The following PDE1A variants were observed in gnomAD, a reference collection of about 807,000 sequenced individuals.
The protein encoded by PDE1A is phosphodiesterase 1A.
In PDE1A, 35 loss-of-function variants were observed where a neutral mutation model predicts 61.7. The ratio of observed to expected loss-of-function variants is 0.57; its 90% CI spans 0.43 to 0.75. The LOEUF (loss-of-function observed/expected upper bound fraction) is 0.75, where lower values mean the gene tolerates loss of function less well. Ranked by LOEUF, PDE1A falls within the 30% of genes least tolerant of loss-of-function variation. PDE1A has a pLI of 0.00. For missense variants in PDE1A, 597 were observed against 630.6 expected, an observed-to-expected ratio of 0.95 and a Z score of 0.57; for synonymous variants, 232 against 213.2, an observed-to-expected ratio of 1.09 and a Z score of -0.77.
At chr2:182,509,299 C>T (rs1162688453) in intron 2 of PDE1A, among the ~76,000 whole-genome samples, 1 of 152,160 alleles carries the variant, frequency 6.6e-6, no homozygotes, top group African/African-American at 2.4e-5. Context: ...AATGGTAGCA[C>T]ATGTCCTAGA....
At chr2:182,441,387 A>G (rs892198180) in intron 2 of PDE1A, among the ~76,000 whole-genome samples, 29 of 152,196 alleles carry the variant, frequency 1.9e-4, no homozygotes, top group African/African-American at 6.5e-4. Flanking sequence ...ATTTGAGCAA[A>G]AGAATATTGA....
chr2:182,503,286 C>A (rs1689205209), intron 2 of PDE1A, among the ~76,000 whole-genome samples: 1 of 152,122 alleles, frequency 6.6e-6, no homozygotes, highest in South Asian at 2.1e-4. Flanking sequence ...TTAATTTTGT[C>A]CTTCCTTGCC....
the PDE1A span, among the ~76,000 whole-genome samples, chr2:182,542,775 G>C: frequency 6.6e-6 from 1 of 152,106 alleles, no homozygotes; most frequent in African/African-American, 2.4e-5. Flanking sequence ...CAATTGTCAA[G>C]ATAATAACTT....
chr2:182,225,410 A>G (rs1178427943), intron 6 of PDE1A, among the ~76,000 whole-genome samples: 1 of 151,958 alleles, frequency 6.6e-6, no homozygotes, highest in Non-Finnish European at 1.5e-5. Context: ...GTTGAATCTC[A>G]TAGGTACCAA....
At chr2:182,708,452 T>C in the PDE1A span, among the ~76,000 whole-genome samples, 2 of 152,232 alleles carry the variant, frequency 1.3e-5, no homozygotes, top group Non-Finnish European at 2.9e-5. Context: ...GGGCTCCAGA[T>C]CTACACTGCC....
At chr2:182,462,151 G>T (rs1318127426) in intron 2 of PDE1A, among the ~76,000 whole-genome samples, 3 of 151,532 alleles carry the variant, frequency 2.0e-5, no homozygotes, top group African/African-American at 7.3e-5. Context: ...ACCGGGGCCT[G>T]TTGTGGGGTG....
intron 1 of PDE1A, among the ~76,000 whole-genome samples, chr2:182,387,426 AAG>A (rs1376504720): frequency 1.3e-5 from 2 of 151,994 alleles, no homozygotes; most frequent in Non-Finnish European, 2.9e-5. Context: ...AAAAAAAAAA[AAG>A]AAGAAAGAAA....
At chr2:182,655,140 TC>T in the PDE1A span, among the ~76,000 whole-genome samples, 3 of 152,188 alleles carry the variant, frequency 2.0e-5, no homozygotes, top group Non-Finnish European at 2.9e-5. Flanking sequence ...CAAGGTGCAT[TC>T]CTTATTGCTT....
intron 1 of PDE1A, among the ~76,000 whole-genome samples, chr2:182,349,851 G>A (rs973806007): frequency 6.6e-6 from 1 of 152,154 alleles, no homozygotes; most frequent in Admixed American, 6.5e-5. Flanking sequence ...GAGGGTAACA[G>A]TAGGCGAGTA....
chr2:182,260,022 T>A (rs1290502578), intron 2 of PDE1A, among the ~76,000 whole-genome samples: 6 of 152,224 alleles, frequency 3.9e-5, no homozygotes, highest in Non-Finnish European at 8.8e-5. Context: ...TCATATTCAT[T>A]AGGGTATTGT....
At chr2:182,376,442 T>C (rs1030796001) in intron 1 of PDE1A, among the ~76,000 whole-genome samples, 1 of 152,200 alleles carries the variant, frequency 6.6e-6, no homozygotes, top group African/African-American at 2.4e-5. Flanking sequence ...TCACCTTTGC[T>C]CCAGTTCTCA....
chr2:182,276,845 C>A (rs1693450923), intron 1 of PDE1A, among the ~76,000 whole-genome samples: 1 of 151,952 alleles, frequency 6.6e-6, no homozygotes, highest in African/African-American at 2.4e-5. Flanking sequence ...TAAACAGCTG[C>A]TCTAGGAGTG....
At chr2:182,313,152 G>A (rs1277386555) in intron 1 of PDE1A, among the ~76,000 whole-genome samples, 1 of 152,148 alleles carries the variant, frequency 6.6e-6, no homozygotes, top group Non-Finnish European at 1.5e-5. Context: ...AGTGGCTCAC[G>A]CCTGTAATCC....
intron 13 of PDE1A, among the ~76,000 whole-genome samples, chr2:182,176,382 C>T (rs2125348272): frequency 6.7e-6 from 1 of 149,292 alleles, no homozygotes; most frequent in African/African-American, 2.6e-5. Flanking sequence ...TTGTAGTTCC[C>T]TTTGAAGAGG....
In PDE1A at chr2:182,463,189, A is replaced by C. The variant is rs376854037; in HGVS notation, c.101+59087T>G. Among the ~76,000 whole-genome samples the C allele has an allele frequency of 2.4e-4, 37 of 152,208 alleles. No homozygotes were observed. The East Asian group carries it at 6.0e-3, about 25-fold the overall frequency. ...AGGAGGCGGAGGTTGCAGTGAGCTG[A>C]GAGTGCGCCACTGCACTCCAGCCTG... On this transcript the variant is annotated intron_variant, in intron 2 of 14. Coordinates refer to the PDE1A transcript ENST00000410103.
At chr2:182,219,239 A>C (rs536321066) in intron 7 of PDE1A, among the ~76,000 whole-genome samples, 1 of 152,146 alleles carries the variant, frequency 6.6e-6, no homozygotes, top group South Asian at 2.1e-4. Flanking sequence ...TAAAATGATG[A>C]ATACATCAAG....
chr2:182,684,282 G>A, the PDE1A span, among the ~76,000 whole-genome samples: 1,168 of 151,900 alleles, frequency 7.7e-3, 7 homozygotes, highest in Non-Finnish European at 0.013. Flanking sequence ...TGACAATACC[G>A]TATGTAATAT....
At chr2:182,382,153 T>C (rs1700774040) in intron 1 of PDE1A, among the ~76,000 whole-genome samples, 1 of 152,226 alleles carries the variant, frequency 6.6e-6, no homozygotes, top group Non-Finnish European at 1.5e-5. Context: ...AATATTACTC[T>C]GCTATGTTAT....
the PDE1A span, among the ~76,000 whole-genome samples, chr2:182,665,166 A>C: frequency 6.6e-6 from 1 of 152,188 alleles, no homozygotes; most frequent in African/African-American, 2.4e-5. Flanking sequence ...AGTAAAAAAG[A>C]CTTCAGAAGT....
Sources: allele counts gnomAD v4.1 joint callset (sites outside exome capture counted in the v4.1 genomes callset), GRCh38; gene constraint gnomAD v4.1.1; transcripts MANE v1.5; gene names NCBI Gene and HGNC (gene_info 2026-07-23, HGNC 2026-07-21).